The following EVA1C variants were observed in gnomAD, a reference collection of about 807,000 sequenced individuals.
EVA1C encodes the protein eva-1 homolog C.
In EVA1C, 25 loss-of-function variants were observed where a neutral mutation model predicts 45.4. That is an observed-to-expected ratio of 0.55 (90% CI 0.40 to 0.77). The LOEUF (loss-of-function observed/expected upper bound fraction) is 0.77. EVA1C is among the 30% of genes least tolerant of loss of function. The pLI, the probability that EVA1C is intolerant of heterozygous loss-of-function variation, is 0.00. For synonymous variants in EVA1C, 190 were observed against 221.2 expected (o/e 0.86, Z 1.25); for missense variants, 479 against 554.8 (o/e 0.86, Z 1.37).
chr21:32,446,508 T>C (rs1446009667), intron 1 of EVA1C, among the ~76,000 whole-genome samples: 1 of 152,208 alleles, frequency 6.6e-6, no homozygotes. Flanking sequence ...GCATTAGTAG[T>C]TGTTCTTTAA....
chr21:32,419,206 T>A (rs1457336104), intron 1 of EVA1C, among the ~76,000 whole-genome samples: 2 of 152,228 alleles, frequency 1.3e-5, no homozygotes, highest in African/African-American at 2.4e-5. Flanking sequence ...GTTAAAAAAA[T>A]TTGGAGGTCA....
Position 32,504,056 on chromosome 21 carries a change from T to C in EVA1C, c.949+41T>C, listed in dbSNP as rs113341542. ...AAAGCTTCCTAGAATGCTGATGGAT[T>C]TACTAAAGTCTTGTTAATAAATGTG... On this transcript the variant is annotated intron_variant, in intron 7 of 7. Coordinates refer to ENST00000300255, the MANE Select transcript of EVA1C (RefSeq NM_058187.5). 8.4e-5 allele frequency: 114 copies of C among 1,359,148 alleles called. 2 individuals carry two copies. In the African/African-American group the frequency reaches 8.8e-4, roughly 10 times the overall value. 84.2% of individuals were successfully genotyped at this position (1,359,148 alleles called of 1,614,324 possible).
chr21:32,509,457 G>A (rs1400193302), intron 7 of EVA1C, among the ~76,000 whole-genome samples: 1 of 152,236 alleles, frequency 6.6e-6, no homozygotes, highest in Non-Finnish European at 1.5e-5. Flanking sequence ...CCTCCCAGGA[G>A]AAGAGGAGAG....
rs111889292 is a variant in EVA1C at position 32,467,862 on chromosome 21, T to A, written c.634+14T>A. 1.9e-6 allele frequency: 3 copies of A among 1,593,998 alleles called. No homozygotes were observed. In the African/African-American group the frequency reaches 4.1e-5, roughly 22 times the overall value. Reference sequence around the variant, plus strand: ...TCCCCCCTTTCGGTATGTGCTTTTGTGTGTGTATTAGCCAGGGTTCTCTAG... The same window carrying A: ...TCCCCCCTTTCGGTATGTGCTTTTGAGTGTGTATTAGCCAGGGTTCTCTAG... On this transcript the variant is annotated intron_variant, in intron 4 of 7. Coordinates refer to ENST00000300255, the MANE Select transcript of EVA1C (RefSeq NM_058187.5).
At chr21:32,413,593 G>GT (rs1319234018) in intron 1 of EVA1C, among the ~76,000 whole-genome samples, 1 of 152,214 alleles carries the variant, frequency 6.6e-6, no homozygotes, top group Non-Finnish European at 1.5e-5. Flanking sequence ...TCCAATTCCA[G>GT]TTTCCTTCAC....
At chr21:32,434,593 A>AAAATAAAT (rs202142414) in intron 1 of EVA1C, among the ~76,000 whole-genome samples, 299 of 146,974 alleles carry the variant, frequency 2.0e-3, no homozygotes, top group Non-Finnish European at 2.4e-3. Context: ...TCCGTCTCAA[A>AAAATAAAT]AAATAAATAA....
chr21:32,457,823 A>G, intron 3 of EVA1C, 103 bp downstream of exon 3: 1 of 1,355,950 alleles, frequency 7.4e-7, no homozygotes, highest in Admixed American at 1.9e-5. Context: ...CCAACTTTGA[A>G]ACTCATTAAC....
chr21:32,443,797 T>A (rs985177827), intron 1 of EVA1C, among the ~76,000 whole-genome samples: 55 of 152,194 alleles, frequency 3.6e-4, no homozygotes, highest in African/African-American at 1.3e-3. Context: ...TTATTATTAG[T>A]TTGCATTTCC....
chr21:32,475,419 A>C (rs2036519046), intron 4 of EVA1C, among the ~76,000 whole-genome samples: 1 of 152,048 alleles, frequency 6.6e-6, no homozygotes, highest in African/African-American at 2.4e-5. Context: ...GAAATGAGAA[A>C]AGGATTCAGC....
chr21:32,493,156 G>A (rs2037223277), intron 4 of EVA1C, among the ~76,000 whole-genome samples: 2 of 152,262 alleles, frequency 1.3e-5, no homozygotes, highest in South Asian at 4.1e-4. Context: ...TATATTATAA[G>A]TGAATGGAAC....
intron 5 of EVA1C, among the ~76,000 whole-genome samples, 174 bp downstream of exon 5, chr21:32,495,344 G>T (rs1192098686): frequency 6.6e-6 from 1 of 152,016 alleles, no homozygotes; most frequent in Non-Finnish European, 1.5e-5. Flanking sequence ...TCTTGTTTAT[G>T]ATATTCATGT....
In EVA1C at chr21:32,495,063, G is replaced by A. The variant is rs762283599; in HGVS notation, c.671G>A (p.Arg224Gln). The A allele has an allele frequency of 2.5e-5, 40 of 1,613,966 alleles. No individual in the cohort carries two copies. Among genetic ancestry groups the A allele is most frequent in the Non-Finnish European group, 3.1e-5 (37 of 1,180,026 alleles). The change falls in exon 5 of 8, where the codon CGA becomes CAA. Residue 224 changes from arginine to glutamine, a missense_variant. By Grantham distance (43) the Arg-to-Gln change is conservative. Around this residue, in one of 3 missense-constraint regions of EVA1C, gnomAD observed 366 missense variants for 426.1 expected, o/e 0.86. Coordinates refer to ENST00000300255, the MANE Select transcript of EVA1C (RefSeq NM_058187.5). ...LSYSALQVLS[R>Q]RCYGKQRCKI... is the part of the protein sequence containing the mutation. ...TACTCAGCTTTGCAAGTCCTATCCC[G>A]AAGGTGCTATGGGAAGCAGAGATGC...
chr21:32,453,831 C>G (rs2035679839), intron 2 of EVA1C, among the ~76,000 whole-genome samples: 1 of 152,224 alleles, frequency 6.6e-6, no homozygotes, highest in Non-Finnish European at 1.5e-5. Context: ...TCCAGGCCCA[C>G]ATCTCCCATA....
intron 1 of EVA1C, among the ~76,000 whole-genome samples, chr21:32,439,468 T>C (rs1218413461): frequency 2.0e-5 from 3 of 152,152 alleles, no homozygotes; most frequent in Admixed American, 6.5e-5. Flanking sequence ...TTCTTTACAT[T>C]TGCTGACTGT....
At chr21:32,507,702 G>A (rs1450131306) in intron 7 of EVA1C, among the ~76,000 whole-genome samples, 1 of 151,830 alleles carries the variant, frequency 6.6e-6, no homozygotes, top group African/African-American at 2.4e-5. Flanking sequence ...GCATGCGTAT[G>A]TGCACGTGTG....
chr21:32,476,659 A>C (rs1369126628), intron 4 of EVA1C, among the ~76,000 whole-genome samples: 1 of 151,942 alleles, frequency 6.6e-6, no homozygotes, highest in Non-Finnish European at 1.5e-5. Context: ...TAATAATAAT[A>C]ATAAGTTCAA....
At chr21:32,457,535 C>T (rs2035830770) in intron 2 of EVA1C, 62 bp from the exon 3 acceptor site, 15 of 1,607,242 alleles carry the variant, frequency 9.3e-6, no homozygotes, top group Middle Eastern at 2.0e-4. Flanking sequence ...AGCCCAGGTT[C>T]GGGTCTGGCA....
intron 1 of EVA1C, among the ~76,000 whole-genome samples, chr21:32,420,981 T>G (rs1223825342): frequency 6.6e-6 from 1 of 152,224 alleles, no homozygotes; most frequent in Non-Finnish European, 1.5e-5. Context: ...TCCCAGGACT[T>G]ACATAAGTAA....
rs775910928 is a variant in EVA1C, at chr21:32,453,492, C to G, written c.341C>G (p.Ala114Gly). ...AGGGAAGACAGCTTAACCTGTGTGGCAGCCACCACCTTCCAGGTATTGCCT... is the reference window on the plus strand; with the variant it reads ...AGGGAAGACAGCTTAACCTGTGTGGGAGCCACCACCTTCCAGGTATTGCCT... ...SQREDSLTCV[A>G]ATTFQKVLDE... Residue 114 changes from alanine to glycine, a missense_variant, in exon 2 of 8, where the codon GCA becomes GGA. This residue lies in a region of EVA1C where 366 missense variants were observed against 426.1 expected (regional missense o/e 0.86). Transcript: ENST00000300255. The G allele has an allele frequency of 6.2e-7, 1 of 1,605,076 alleles. No individual in the cohort carries two copies. Among genetic ancestry groups the G allele is most frequent in the East Asian group, 2.2e-5 (1 of 44,690 alleles).
Sources: gnomAD v4.1 joint callset for allele counts (sites outside exome capture counted in the v4.1 genomes callset) on GRCh38, gnomAD v4.1.1 for gene constraint, gnomAD v4.1.1 regional missense constraint, MANE v1.5 for transcripts, NCBI Gene and HGNC (gene_info 2026-07-23, HGNC 2026-07-21) for gene names.